The following PARN variants were observed in gnomAD, a reference collection of about 807,000 sequenced individuals.
PARN encodes the protein poly(A)-specific ribonuclease, also known as poly(A)-specific ribonuclease PARN.
A neutral mutation model predicts 102.8 loss-of-function variants in PARN; 71 were observed. That is an observed-to-expected ratio of 0.69 (90% confidence interval 0.57 to 0.84). The LOEUF (loss-of-function observed/expected upper bound fraction) is 0.84. PARN is among the 40% of genes least tolerant of loss of function. PARN has a pLI of 0.00. For missense variants in PARN, 782 were observed against 760.9 expected, an observed-to-expected ratio of 1.03 and a Z score of -0.33; for synonymous variants, 261 against 252.9, an observed-to-expected ratio of 1.03 and a Z score of -0.30.
chr16:14,586,252 T>C (rs1339995820), intron 14 of PARN, 66 bp downstream of exon 14: 24 of 868,456 alleles, frequency 2.8e-5, no homozygotes, highest in Non-Finnish European at 4.2e-5. Flanking sequence ...GGTGGGATTA[T>C]AGGTGTGAGC....
In PARN at chr16:14,580,845, T is replaced by C. The variant is rs745395796; in HGVS notation, c.1262+29A>G. Reference sequence around the variant, plus strand: ...TGAGGCTGTTCCACAGTGAGAGAACTTGGAAACTGGAACTCTCTGATTACT... The same window carrying C: ...TGAGGCTGTTCCACAGTGAGAGAACCTGGAAACTGGAACTCTCTGATTACT... On this transcript the variant is annotated intron_variant, in intron 18 of 23. Coordinates refer to ENST00000437198, the MANE Select transcript of PARN (RefSeq NM_002582.4). 4.3e-6 allele frequency: 6 copies of C among 1,410,328 alleles called. No homozygotes were observed. The East Asian group carries it at 1.4e-4, about 32-fold the overall frequency. 87.4% of individuals were successfully genotyped at this position (1,410,328 alleles called of 1,614,324 possible). A position where few individuals can be genotyped will look rare whatever the true frequency, so the allele number is the denominator to read the frequency against.
At chr16:14,444,852 C>T (rs997821624) in intron 23 of PARN, among the ~76,000 whole-genome samples, 15 of 152,336 alleles carry the variant, frequency 9.8e-5, no homozygotes, top group African/African-American at 3.4e-4. Flanking sequence ...CAAGGTCTCA[C>T]TGTGTCCCCC....
At chr16:14,550,638 T>G (rs1967236527) in intron 21 of PARN, among the ~76,000 whole-genome samples, 1 of 152,204 alleles carries the variant, frequency 6.6e-6, no homozygotes, top group African/African-American at 2.4e-5. Context: ...CAAAATACTG[T>G]GATCTGAATT....
At chr16:14,561,057 T>C (rs1968024368) in intron 18 of PARN, among the ~76,000 whole-genome samples, 1 of 149,650 alleles carries the variant, frequency 6.7e-6, no homozygotes, top group African/African-American at 2.5e-5. Flanking sequence ...CTTAGGAGGC[T>C]GAGGCAGGAG....
chr16:14,491,270 T>C (rs1401708571), intron 21 of PARN, among the ~76,000 whole-genome samples: 21 of 150,446 alleles, frequency 1.4e-4, no homozygotes. Flanking sequence ...ACCCAACTGG[T>C]GTACCAGCAA....
At chr16:14,570,883 G>A (rs1051945936) in intron 18 of PARN, among the ~76,000 whole-genome samples, 8 of 151,696 alleles carry the variant, frequency 5.3e-5, no homozygotes, top group African/African-American at 1.9e-4. Flanking sequence ...TACTTGGGAG[G>A]CTGAGGCAGA....
chr16:14,492,448 C>T (rs1464406192), intron 21 of PARN, among the ~76,000 whole-genome samples: 1 of 152,208 alleles, frequency 6.6e-6, no homozygotes, highest in Non-Finnish European at 1.5e-5. Context: ...CGCCTGGACC[C>T]TCACCATGGT....
rs1972915240 is a variant in PARN, at chr16:14,629,755, C to T, written c.20-81G>A. On this transcript the variant is annotated intron_variant, in intron 1 of 23. Coordinates refer to ENST00000437198, the MANE Select transcript of PARN (RefSeq NM_002582.4). ...GAGAGGGAAGGAGGGCCGAGGAGCTCCCGAGGCTGAGAGCCGGAAGGGGAA... is the reference window on the plus strand; with the variant it reads ...GAGAGGGAAGGAGGGCCGAGGAGCTTCCGAGGCTGAGAGCCGGAAGGGGAA... 4.7e-6 allele frequency: 5 copies of T among 1,070,066 alleles called. No individual in the cohort carries two copies. The Admixed American group carries it at 8.7e-5, about 19-fold the overall frequency. 66.3% of individuals were successfully genotyped at this position (1,070,066 alleles called of 1,614,324 possible). A position where few individuals can be genotyped will look rare whatever the true frequency, so the allele number is the denominator to read the frequency against.
chr16:14,470,205 C>T (rs1962635223), intron 22 of PARN, among the ~76,000 whole-genome samples: 1 of 151,852 alleles, frequency 6.6e-6, no homozygotes, highest in African/African-American at 2.4e-5. Flanking sequence ...AAAATAAAAT[C>T]CTGAGATGAC....
At chr16:14,445,436 T>C (rs971207852) in intron 23 of PARN, among the ~76,000 whole-genome samples, 4 of 152,190 alleles carry the variant, frequency 2.6e-5, no homozygotes, top group African/African-American at 9.7e-5. Flanking sequence ...ACTACTTTCC[T>C]TTGATTTGAT....
intron 22 of PARN, among the ~76,000 whole-genome samples, chr16:14,480,607 C>T (rs1049180215): frequency 6.6e-6 from 1 of 152,180 alleles, no homozygotes. Flanking sequence ...ATTAAAACCA[C>T]AATGCAATAC....
chr16:14,536,333 T>C (rs1966603872), intron 21 of PARN, among the ~76,000 whole-genome samples: 2 of 152,134 alleles, frequency 1.3e-5, no homozygotes. Context: ...CTAATATTAA[T>C]CAACTATTTC....
intron 22 of PARN, among the ~76,000 whole-genome samples, chr16:14,460,147 T>C (rs1961885170): frequency 6.6e-6 from 1 of 152,148 alleles, no homozygotes; most frequent in South Asian, 2.1e-4. Context: ...GACATATTAA[T>C]TATAAAGCCA....
intron 18 of PARN, among the ~76,000 whole-genome samples, chr16:14,569,486 C>G (rs202137875): frequency 6.6e-6 from 1 of 152,304 alleles, no homozygotes; most frequent in East Asian, 1.9e-4. Flanking sequence ...CCGACCCACC[C>G]TGAAGCCTCA....
In PARN at chr16:14,627,353, A is replaced by T. The variant is rs1280826296; in HGVS notation, c.178-17T>A. The T allele has an allele frequency of 1.3e-6, 2 of 1,565,950 alleles. No homozygotes were observed. The highest frequency in any genetic ancestry group is 3.8e-5 in the Admixed American group (2 of 53,306). On this transcript the variant is annotated splice_polypyrimidine_tract_variant and intron_variant, in intron 3 of 23. Coordinates refer to ENST00000437198, the MANE Select transcript of PARN (RefSeq NM_002582.4). ...CATGGAATGCTGGAAAAGGGAAATA[A>T]AACATCTGTCACAAAAGTGCTGCAT...
chr16:14,577,786 G>T (rs1439988007), intron 18 of PARN, among the ~76,000 whole-genome samples: 1 of 151,898 alleles, frequency 6.6e-6, no homozygotes, highest in African/African-American at 2.4e-5. Flanking sequence ...TCCTGCCTCA[G>T]CCCCCCCAGT....
At chr16:14,525,676 G>C (rs746062037) in intron 21 of PARN, among the ~76,000 whole-genome samples, 37 of 152,104 alleles carry the variant, frequency 2.4e-4, no homozygotes, top group Non-Finnish European at 4.6e-4. Flanking sequence ...AGTGAATCCA[G>C]AGATTCAGTT....
chr16:14,439,370 TCG>T (rs1960846572), intron 23 of PARN, among the ~76,000 whole-genome samples: 2 of 64,850 alleles, frequency 3.1e-5, no homozygotes, highest in Non-Finnish European at 6.0e-5. Flanking sequence ...AGTGAAACTG[TCG>T]CACAAAAAAA....
intron 7 of PARN, 110 bp from the exon 8 acceptor site, chr16:14,609,233 G>C: frequency 1.7e-6 from 1 of 586,822 alleles, no homozygotes; most frequent in South Asian, 2.2e-5. Flanking sequence ...ATGTGACAAT[G>C]TAATTCTACC....
Sources: allele counts gnomAD v4.1 joint callset (sites outside exome capture counted in the v4.1 genomes callset), GRCh38; gene constraint gnomAD v4.1.1; transcripts MANE v1.5; gene names NCBI Gene and HGNC (gene_info 2026-07-23, HGNC 2026-07-21).